ADRA1B: variants seen among roughly 807,000 people sequenced by gnomAD.
The protein encoded by ADRA1B is adrenoceptor alpha 1B, also known as alpha-1B adrenergic receptor.
In ADRA1B, 17 loss-of-function variants were observed where a neutral mutation model predicts 17.9. The ratio of observed to expected loss-of-function variants is 0.95; its 90% CI spans 0.65 to 1.42. ADRA1B has a LOEUF of 1.42. Among genes scored for constraint, ADRA1B ranks in the 40% most tolerant of loss-of-function variants. The pLI is 0.00. For synonymous variants in ADRA1B, 366 were observed against 327.6 expected, an observed-to-expected ratio of 1.12 and a Z score of -1.27; for missense variants, 681 against 722.1, an observed-to-expected ratio of 0.94 and a Z score of 0.65.
intron 1 of ADRA1B, among the ~76,000 whole-genome samples, chr5:159,962,393 G>A (rs1410200628): frequency 7.4e-6 from 1 of 135,922 alleles, no homozygotes; most frequent in Non-Finnish European, 1.6e-5. Flanking sequence ...GAGTGGTGCT[G>A]CCATCCGTCT....
intron 1 of ADRA1B, among the ~76,000 whole-genome samples, chr5:159,953,443 C>A (rs1400122832): frequency 6.6e-6 from 1 of 152,184 alleles, no homozygotes; most frequent in East Asian, 1.9e-4. Flanking sequence ...ATCTCTCCAT[C>A]CCTGCGTGTA....
rs1246058102 is a variant in ADRA1B at position 159,895,178 on chromosome 5, C to T, written c.-255-20941C>T. ...GGTTGACCTAGGCCGACAAGTGGAG[C>T]CGGCTGGAGCCTGATGCTCTTCCTC... On this transcript the variant is annotated intron_variant, in intron 1 of 2. Coordinates refer to the ADRA1B transcript ENST00000641205. Among the ~76,000 whole-genome samples the T allele has an allele frequency of 2.6e-5, 4 of 152,312 alleles. 1 individual carries two copies. Among genetic ancestry groups the T allele is most frequent in the Admixed American group, 2.6e-4 (4 of 15,298 alleles).
chr5:159,924,840 C>A (rs1298872872), intron 1 of ADRA1B, among the ~76,000 whole-genome samples: 1 of 152,218 alleles, frequency 6.6e-6, no homozygotes, highest in African/African-American at 2.4e-5. Flanking sequence ...TTTCTGCAGT[C>A]ACTGTGCTTC....
At chr5:159,938,638 A>C (rs1162152183) in intron 1 of ADRA1B, among the ~76,000 whole-genome samples, 1 of 152,250 alleles carries the variant, frequency 6.6e-6, no homozygotes, top group African/African-American at 2.4e-5. Context: ...TCAAAGACTA[A>C]TGGGTCATTT....
chr5:159,898,777 G>T (rs1246963189), intron 1 of ADRA1B, among the ~76,000 whole-genome samples: 1 of 152,164 alleles, frequency 6.6e-6, no homozygotes, highest in African/African-American at 2.4e-5. Context: ...ATCCTTCTGA[G>T]GACAAATTTG....
chr5:159,869,663 A>G (rs991845055), intron 1 of ADRA1B: 5 of 152,202 alleles, frequency 3.3e-5, no homozygotes, highest in African/African-American at 7.2e-5. Context: ...ATTAGTGAAC[A>G]CTTCCTGACT....
At chr5:159,983,609 C>G in the ADRA1B span, among the ~76,000 whole-genome samples, 27 of 152,128 alleles carry the variant, frequency 1.8e-4, no homozygotes, top group Non-Finnish European at 1.3e-4. Context: ...CCAGCCGAAC[C>G]GAAATTAGGA....
At chr5:159,942,226 A>T (rs1257891237) in intron 1 of ADRA1B, among the ~76,000 whole-genome samples, 2 of 152,134 alleles carry the variant, frequency 1.3e-5, no homozygotes, top group Non-Finnish European at 2.9e-5. Flanking sequence ...CCGGCCGGGT[A>T]CTGGGTTTTT....
intron 1 of ADRA1B, among the ~76,000 whole-genome samples, chr5:159,929,570 T>G (rs1754745475): frequency 6.6e-6 from 1 of 152,074 alleles, no homozygotes; most frequent in Non-Finnish European, 1.5e-5. Context: ...ATATGAGATT[T>G]TCTATACTTT....
chr5:159,905,438 A>C (rs1754151902), intron 1 of ADRA1B, among the ~76,000 whole-genome samples: 1 of 152,256 alleles, frequency 6.6e-6, no homozygotes, highest in African/African-American at 2.4e-5. Flanking sequence ...TGAAAGACAA[A>C]AGTTTCACAA....
rs768004711 is a variant in ADRA1B at position 159,917,340 on chromosome 5, C to T, written c.435C>T (p.Ile145=). 1 of 1,614,024 alleles carries T rather than the reference C, an allele frequency of 6.2e-7. No homozygotes were observed. The highest frequency in any genetic ancestry group is 8.5e-7 in the Non-Finnish European group (1 of 1,180,004). ...SLCAISIDRY[I]GVRYSLQYPT... ...GCGCCATCTCCATCGATCGCTACAT[C>T]GGGGTGCGCTACTCTCTGCAGTATC... is the stretch of plus-strand genomic sequence containing the variant. The change falls in exon 1 of 2, where the codon ATC becomes ATT. Residue 145 remains isoleucine, a synonymous_variant. Coordinates refer to ENST00000306675, the MANE Select transcript of ADRA1B (RefSeq NM_000679.4).
intron 1 of ADRA1B, among the ~76,000 whole-genome samples, chr5:159,873,185 T>C (rs1753767518): frequency 6.6e-6 from 1 of 152,196 alleles, no homozygotes; most frequent in South Asian, 2.1e-4. Context: ...TTGATAGGCA[T>C]TTAGGTTTGT....
intron 1 of ADRA1B, among the ~76,000 whole-genome samples, chr5:159,904,145 A>G (rs1442342261): frequency 1.3e-5 from 2 of 152,234 alleles, no homozygotes; most frequent in Non-Finnish European, 2.9e-5. Context: ...AGCTGCTTGC[A>G]TTTGTTTAGT....
chr5:159,914,249 T>G (rs1021728094), upstream of ADRA1B, among the ~76,000 whole-genome samples: 1 of 152,204 alleles, frequency 6.6e-6, no homozygotes, highest in African/African-American at 2.4e-5. Flanking sequence ...TAAAGACCCC[T>G]GACAGAGGGC....
upstream of ADRA1B, among the ~76,000 whole-genome samples, chr5:159,912,983 C>A (rs578016807): frequency 2.6e-5 from 4 of 152,096 alleles, no homozygotes; most frequent in African/African-American, 9.7e-5. Flanking sequence ...TATGCCTGGT[C>A]GAATTGAAAG....
intron 1 of ADRA1B, among the ~76,000 whole-genome samples, chr5:159,892,864 TG>T (rs1184781638): frequency 6.6e-6 from 1 of 152,242 alleles, no homozygotes; most frequent in Non-Finnish European, 1.5e-5. Flanking sequence ...ATGGGATTGT[TG>T]GGTCAAATGG....
chr5:159,923,809 C>A (rs1417164485), intron 1 of ADRA1B, among the ~76,000 whole-genome samples: 1 of 152,236 alleles, frequency 6.6e-6, no homozygotes, highest in Non-Finnish European at 1.5e-5. Context: ...CTTGTAGTGC[C>A]AAGAATCTTA....
intron 1 of ADRA1B, among the ~76,000 whole-genome samples, chr5:159,937,212 T>C (rs1253033856): frequency 6.6e-6 from 1 of 152,244 alleles, no homozygotes; most frequent in East Asian, 1.9e-4. Context: ...CCAGCTCAGA[T>C]GTGGAGGAAT....
rs1755915965 is a variant in ADRA1B, at chr5:159,972,977, G to A, written c.*485G>A. ...GAAGGATGGCACTTTGGTGGGGTTG[G>A]AAACAAAGTCGACATTAAAGGTCAT... On this transcript the variant is annotated 3_prime_UTR_variant, in exon 2 of 2. Transcript: ENST00000306675. Among the ~76,000 whole-genome samples the A allele has an allele frequency of 6.6e-6, 1 of 152,218 alleles. No homozygotes were observed. Among genetic ancestry groups the A allele is most frequent in the African/African-American group, 2.4e-5 (1 of 41,466 alleles).
Sources: allele counts gnomAD v4.1 joint callset (sites outside exome capture counted in the v4.1 genomes callset), GRCh38; gene constraint gnomAD v4.1.1; transcripts MANE v1.5; gene names NCBI Gene and HGNC (gene_info 2026-07-23, HGNC 2026-07-21).